Variants in PRDM2 observed in about 807,000 individuals in gnomAD.
PRDM2 encodes PR/SET domain 2.
Under a neutral mutation model 130.0 loss-of-function variants are expected in PRDM2, and 30 were observed. That is an observed-to-expected ratio of 0.23 (90% CI 0.17 to 0.31). The LOEUF (loss-of-function observed/expected upper bound fraction) is 0.31. PRDM2 is among the 10% of genes least tolerant of loss of function. The pLI is 1.00. For missense variants in PRDM2, 2,011 were observed against 2,108.4 expected, an observed-to-expected ratio of 0.95 and a Z score of 0.90; for synonymous variants, 871 against 782.4, an observed-to-expected ratio of 1.11 and a Z score of -1.89.
chr1:13,797,519 C>T (rs1275437486), intron 8 of PRDM2, among the ~76,000 whole-genome samples: 1 of 152,184 alleles, frequency 6.6e-6, no homozygotes, highest in Non-Finnish European at 1.5e-5. Flanking sequence ...AGACACAGCT[C>T]GTGAGTGCCA....
rs544847658 is a variant in PRDM2 at position 13,823,499 on chromosome 1, C to T, written c.*364C>T. The T allele has an allele frequency of 1.4e-5, 5 of 362,414 alleles. No individual in the cohort carries two copies. The South Asian group carries it at 1.7e-4, about 13-fold the overall frequency. The allele number at this position is 362,414 out of a possible 1,614,324, so 22.4% of individuals were successfully genotyped here. On this transcript the variant is annotated 3_prime_UTR_variant, in exon 10 of 10. Transcript: ENST00000311066. ...ATTTTTCAAGAGCTCCTTGACCCTG[C>T]TTTTTGCTTCTTGAGTTGTCTTTTG...
Position 13,789,488 on chromosome 1 carries a change from C to T in PRDM2, c.5036+6657C>T, listed in dbSNP as rs1408196648. On this transcript the variant is annotated intron_variant, in intron 8 of 9. Coordinates refer to ENST00000311066, the MANE Select transcript of PRDM2 (RefSeq NM_001393986.1). Reference sequence around the variant, plus strand: ...TAGTGGCTTTTTTCCCCACTTTATACTTCATATTCCAAACCTCCTCGCTGT... The same window carrying T: ...TAGTGGCTTTTTTCCCCACTTTATATTTCATATTCCAAACCTCCTCGCTGT... Among the ~76,000 whole-genome samples, 7 of 152,258 alleles carry T rather than the reference C, an allele frequency of 4.6e-5. No homozygotes were observed. The East Asian group carries it at 1.2e-3, about 25-fold the overall frequency.
chr1:13,777,364 T>A (rs929617325), intron 7 of PRDM2, among the ~76,000 whole-genome samples: 2 of 151,930 alleles, frequency 1.3e-5, no homozygotes, highest in Non-Finnish European at 2.9e-5. Context: ...ACCAGAGTGA[T>A]TCTCTTGAAT....
rs536925534 is a variant in PRDM2 at position 13,781,908 on chromosome 1, A to T, written c.4113A>T (p.Val1371=). 1.1e-4 allele frequency: 176 copies of T among 1,614,220 alleles called. No homozygotes were observed. The South Asian group carries it at 1.9e-3, about 17-fold the overall frequency. The change falls in exon 8 of 10, where the codon GTA becomes GTT. Residue 1371 remains valine, a synonymous_variant. Coordinates refer to ENST00000311066, the MANE Select transcript of PRDM2 (RefSeq NM_001393986.1). This position sits in a 1 kb window ranked among gnomAD's most constrained non-coding sequence, Gnocchi z 6.1. ...KKRYTPKKNP[V]PLKQTVQPKN... Reference sequence around the variant, plus strand: ...GGTACACGCCTAAGAAAAACCCAGTACCATTAAAACAAACTGTGCAACCCA... The same window carrying T: ...GGTACACGCCTAAGAAAAACCCAGTTCCATTAAAACAAACTGTGCAACCCA...
chr1:13,781,248 A>G lies in PRDM2; in HGVS notation c.3453A>G (p.Lys1151=). ...SPFLSIKDLT[K]HLSIHAEEWP... ...TTCTTTCCATTAAAGATCTAACCAAACATTTATCTATTCATGCTGAAGAAT... is the reference window on the plus strand; with the variant it reads ...TTCTTTCCATTAAAGATCTAACCAAGCATTTATCTATTCATGCTGAAGAAT... Residue 1151 remains lysine (K), a synonymous_variant, in exon 8 of 10, where the codon AAA becomes AAG. Transcript: ENST00000311066. This position sits in a 1 kb window ranked among gnomAD's most constrained non-coding sequence, Gnocchi z 6.1. 6.2e-7 allele frequency: 1 copy of G among 1,614,196 alleles called. No individual in the cohort carries two copies. Among genetic ancestry groups the G allele is most frequent in the Non-Finnish European group, 8.5e-7 (1 of 1,180,038 alleles).
intron 8 of PRDM2, among the ~76,000 whole-genome samples, chr1:13,808,911 A>G (rs1645128682): frequency 6.6e-6 from 1 of 152,312 alleles, no homozygotes; most frequent in East Asian, 1.9e-4. Context: ...CGACCACAGA[A>G]GCATCTCCAG....
At chr1:13,817,974 A>G (rs906731084) in intron 9 of PRDM2, among the ~76,000 whole-genome samples, 1 of 152,168 alleles carries the variant, frequency 6.6e-6, no homozygotes, top group East Asian at 1.9e-4. Context: ...TCTCTGTGGG[A>G]AGTCACATCA....
intron 1 of PRDM2, among the ~76,000 whole-genome samples, chr1:13,700,604 G>C (rs1384322658): frequency 6.6e-6 from 1 of 151,620 alleles, no homozygotes; most frequent in Non-Finnish European, 1.5e-5. Flanking sequence ...CGCGCGCCCC[G>C]CGGGGGACGC....
chr1:13,809,757 T>A (rs1645141539), intron 8 of PRDM2, among the ~76,000 whole-genome samples: 1 of 152,160 alleles, frequency 6.6e-6, no homozygotes, highest in African/African-American at 2.4e-5. Flanking sequence ...CGTGTTCAGA[T>A]CCTAATCTCA....
chr1:13,773,137 A>G lies in PRDM2; in HGVS notation c.571A>G (p.Lys191Glu). 6.3e-7 allele frequency: 1 copy of G among 1,578,970 alleles called. No individual in the cohort carries two copies. The highest frequency in any genetic ancestry group is 8.6e-7 in the Non-Finnish European group (1 of 1,166,970). The change falls in exon 7 of 10, where the codon AAG becomes GAG. Residue 191 changes from lysine (K) to glutamate (E), a missense_variant. This residue lies in a region of PRDM2 where 1,288 missense variants were observed against 1,237.7 expected (regional missense o/e 1.04). Transcript: ENST00000311066. ...AAACAAAATCCAAGACATACAACTG[A>G]AGACAAGTGAGCCAGATTTCACCTC... ...KGNKIQDIQL[K>E]TSEPDFTSAN...
chr1:13,768,345 A>G (rs1644280659), intron 6 of PRDM2, among the ~76,000 whole-genome samples: 1 of 149,570 alleles, frequency 6.7e-6, no homozygotes, highest in South Asian at 2.1e-4. Context: ...AGCCTCCCAA[A>G]GTGCTGGGAT....
chr1:13,795,715 G>A (rs777104547), intron 8 of PRDM2, among the ~76,000 whole-genome samples: 1 of 152,216 alleles, frequency 6.6e-6, no homozygotes, highest in Non-Finnish European at 1.5e-5. Flanking sequence ...TTTCGGCCAG[G>A]CCTCGTTTTT....
intron 4 of PRDM2, among the ~76,000 whole-genome samples, chr1:13,741,356 A>G (rs1203630): frequency 0.81 from 122,645 of 152,130 alleles, 50,398 homozygotes; most frequent in African/African-American, 0.96. Flanking sequence ...CCCAGAGTCT[A>G]TTCCATCACC....
At chr1:13,728,524 C>T (rs1377799878) in intron 2 of PRDM2, among the ~76,000 whole-genome samples, 1 of 152,122 alleles carries the variant, frequency 6.6e-6, no homozygotes, top group Non-Finnish European at 1.5e-5. Flanking sequence ...AGGGAGGGCC[C>T]TGGGGCTGCC....
At chr1:13,703,811 T>C (rs1036975920) in intron 1 of PRDM2, among the ~76,000 whole-genome samples, 3 of 152,224 alleles carry the variant, frequency 2.0e-5, no homozygotes, top group Admixed American at 2.0e-4. Context: ...CCTTGAAGAT[T>C]GATGGTAGAG....
At chr1:13,768,024 T>C (rs1644268171) in intron 6 of PRDM2, among the ~76,000 whole-genome samples, 1 of 151,864 alleles carries the variant, frequency 6.6e-6, no homozygotes, top group South Asian at 2.1e-4. Flanking sequence ...ATTATTGATA[T>C]TAAGAAGTAA....
At chr1:13,723,548 C>T (rs1642803002) in intron 2 of PRDM2, among the ~76,000 whole-genome samples, 1 of 152,194 alleles carries the variant, frequency 6.6e-6, no homozygotes, top group African/African-American at 2.4e-5. Flanking sequence ...TGTTGACCAC[C>T]CTCACTTCCT....
intron 6 of PRDM2, among the ~76,000 whole-genome samples, chr1:13,772,586 C>T (rs894150684): frequency 1.2e-4 from 19 of 152,162 alleles, no homozygotes; most frequent in South Asian, 2.1e-4. Context: ...TTTGAAATTC[C>T]GCAGAATCTC....
intron 7 of PRDM2, among the ~76,000 whole-genome samples, chr1:13,774,114 A>T (rs911159255): frequency 6.6e-6 from 1 of 152,190 alleles, no homozygotes; most frequent in Non-Finnish European, 1.5e-5. Flanking sequence ...CCCTCTGGTG[A>T]TAATATTCTA....
Sources: allele counts gnomAD v4.1 joint callset (sites outside exome capture counted in the v4.1 genomes callset), GRCh38; gene constraint gnomAD v4.1.1; regional missense constraint gnomAD v4.1.1; non-coding constraint Gnocchi (gnomAD v3.1); transcripts MANE v1.5; gene names NCBI Gene and HGNC (gene_info 2026-07-23, HGNC 2026-07-21).